Variants in IPO11 observed in about 807,000 individuals in gnomAD.
IPO11 encodes the protein importin 11.
In IPO11, 66 loss-of-function variants were observed where a neutral mutation model predicts 143.2. The ratio of observed to expected loss-of-function variants is 0.46; its 90% CI spans 0.38 to 0.57. IPO11 has a LOEUF of 0.57. Among genes scored for constraint, IPO11 ranks in the 20% least tolerant of loss-of-function variants. The pLI, the probability that IPO11 is intolerant of heterozygous loss-of-function variation, is 0.00. For synonymous variants in IPO11, 385 were observed against 377.8 expected (o/e 1.02, Z -0.22); for missense variants, 1,026 against 1,141.0 (o/e 0.90, Z 1.45).
At chr5:62,580,362 T>A (rs1295908876) in intron 27 of IPO11, 6 of 1,546,628 alleles carry the variant, frequency 3.9e-6, no homozygotes, top group Non-Finnish European at 4.4e-6. Context: ...TTAAGTTAGA[T>A]AGAAACAGAA....
chr5:62,429,915 G>A (rs144676383), intron 1 of IPO11, among the ~76,000 whole-genome samples: 3 of 151,962 alleles, frequency 2.0e-5, no homozygotes, highest in Non-Finnish European at 2.9e-5. Context: ...GAGCCACTGC[G>A]CCTGGCCTGA....
At chr5:62,576,510 G>C (rs1744319267) in intron 27 of IPO11, among the ~76,000 whole-genome samples, 1 of 152,114 alleles carries the variant, frequency 6.6e-6, no homozygotes, top group Non-Finnish European at 1.5e-5. Context: ...ATACATATAG[G>C]CTGGACGCAG....
chr5:62,550,941 A>G (rs1743366272), intron 25 of IPO11, among the ~76,000 whole-genome samples: 1 of 150,162 alleles, frequency 6.7e-6, no homozygotes, highest in Non-Finnish European at 1.5e-5. Context: ...TGGGTGACAG[A>G]GTGAACTCCA....
At chr5:62,455,838 C>T (rs1339974002) in intron 5 of IPO11, among the ~76,000 whole-genome samples, 1 of 151,582 alleles carries the variant, frequency 6.6e-6, no homozygotes, top group Non-Finnish European at 1.5e-5. Context: ...AATTCTTGTT[C>T]CTTAGCCTCC....
chr5:62,507,551 C>T (rs1304056575), intron 19 of IPO11, among the ~76,000 whole-genome samples: 1 of 152,076 alleles, frequency 6.6e-6, no homozygotes, highest in Non-Finnish European at 1.5e-5. Context: ...CTGAACTCAC[C>T]TAACTTAGGA....
At chr5:62,487,937 T>C in intron 13 of IPO11, 76 bp downstream of exon 13, 1 of 1,228,222 alleles carries the variant, frequency 8.1e-7, no homozygotes, top group Non-Finnish European at 1.2e-6. Flanking sequence ...GTGCCTACAA[T>C]GCATACTGTA....
intron 19 of IPO11, among the ~76,000 whole-genome samples, chr5:62,508,005 T>A (rs1741613369): frequency 6.6e-6 from 1 of 152,234 alleles, no homozygotes; most frequent in Admixed American, 6.5e-5. Context: ...ATTCTTTTTT[T>A]TTCTACCTTA....
intron 27 of IPO11, among the ~76,000 whole-genome samples, chr5:62,575,000 A>G (rs1346159124): frequency 6.6e-5 from 10 of 152,208 alleles, no homozygotes; most frequent in Non-Finnish European, 4.4e-5. Context: ...AAAATTTCTT[A>G]GTTGATTTTC....
chr5:62,470,357 C>T, intron 7 of IPO11, 49 bp downstream of exon 7: 1 of 1,510,478 alleles, frequency 6.6e-7, no homozygotes, highest in African/African-American at 1.4e-5. Context: ...TGGTATTTTC[C>T]TGAATGTTTG....
Position 62,591,667 on chromosome 5 carries a change from T to C in IPO11, c.2673T>C (p.Tyr891=), listed in dbSNP as rs766327915. ...VMTEDPETGT[Y]KDCMLMSHLE... is the part of the protein sequence containing the mutation. The stretch of plus-strand genomic sequence containing the variant: ...CGGAAGATCCTGAAACAGGAACTTA[T>C]AAAGAGTAGGTGCATTATTTAATTA... The change falls in exon 28 of 30, where the codon TAT becomes TAC. Residue 891 remains tyrosine, a synonymous_variant. Coordinates refer to ENST00000325324, the MANE Select transcript of IPO11 (RefSeq NM_016338.5). 5.0e-6 allele frequency: 8 copies of C among 1,594,412 alleles called. No homozygotes were observed. Among genetic ancestry groups the C allele is most frequent in the Non-Finnish European group, 6.9e-6 (8 of 1,167,332 alleles).
intron 9 of IPO11, among the ~76,000 whole-genome samples, chr5:62,477,646 T>C (rs975648283): frequency 1.3e-5 from 2 of 152,230 alleles, no homozygotes; most frequent in Non-Finnish European, 2.9e-5. Context: ...CAAAGAGGAC[T>C]ATACAGTATA....
intron 19 of IPO11, among the ~76,000 whole-genome samples, chr5:62,514,778 A>G (rs977505985): frequency 6.6e-6 from 1 of 152,260 alleles, no homozygotes; most frequent in Non-Finnish European, 1.5e-5. Context: ...AACTACTGTC[A>G]GACTGAGCTG....
At chr5:62,497,253 G>T (rs152202) in intron 16 of IPO11, among the ~76,000 whole-genome samples, 88,806 of 151,980 alleles carry the variant, frequency 0.58, 26,216 homozygotes, top group South Asian at 0.68. Flanking sequence ...CCATAGGCAA[G>T]AATTTTGTCA....
intron 29 of IPO11, among the ~76,000 whole-genome samples, chr5:62,603,589 A>T (rs1462344007): frequency 3.9e-5 from 6 of 152,236 alleles, no homozygotes; most frequent in Non-Finnish European, 7.3e-5. Flanking sequence ...ATTTCCTGAC[A>T]GGGTGCACTT....
chr5:62,493,469 G>A (rs1464937153), intron 15 of IPO11, among the ~76,000 whole-genome samples: 1 of 151,996 alleles, frequency 6.6e-6, no homozygotes, highest in Non-Finnish European at 1.5e-5. Context: ...CAACATATAT[G>A]CCTAGGAATT....
chr5:62,487,950 G>C, intron 13 of IPO11, 89 bp downstream of exon 13: 2 of 1,020,224 alleles, frequency 2.0e-6, no homozygotes, highest in Non-Finnish European at 2.8e-6. Flanking sequence ...ATACTGTACT[G>C]TTTCCTGGGT....
chr5:62,439,168 C>T (rs1744355342), intron 2 of IPO11, among the ~76,000 whole-genome samples: 1 of 151,494 alleles, frequency 6.6e-6, no homozygotes, highest in Admixed American at 6.6e-5. Context: ...ATATAAAACA[C>T]TTTCAGAATT....
chr5:62,513,448 T>C (rs1741865244), intron 19 of IPO11, among the ~76,000 whole-genome samples: 1 of 116,586 alleles, frequency 8.6e-6, no homozygotes, highest in Non-Finnish European at 1.8e-5. Flanking sequence ...ACGGAGCGGC[T>C]GGCTGGGCAG....
chr5:62,533,555 A>G (rs1166334242), intron 22 of IPO11, among the ~76,000 whole-genome samples: 1 of 152,162 alleles, frequency 6.6e-6, no homozygotes, highest in Non-Finnish European at 1.5e-5. Flanking sequence ...TTTAAATACA[A>G]CCAGAATATT....
Sources: gnomAD v4.1 joint callset for allele counts (sites outside exome capture counted in the v4.1 genomes callset) on GRCh38, gnomAD v4.1.1 for gene constraint, MANE v1.5 for transcripts, NCBI Gene and HGNC (gene_info 2026-07-23, HGNC 2026-07-21) for gene names.